Variants in PPP2R2D observed in about 807,000 individuals in gnomAD.
The protein encoded by PPP2R2D is serine/threonine-protein phosphatase 2A 55 kDa regulatory subunit B delta isoform.
In PPP2R2D, 9 loss-of-function variants were observed where a neutral mutation model predicts 31.1. The ratio of observed to expected loss-of-function variants is 0.29; its 90% CI spans 0.17 to 0.51. PPP2R2D has a LOEUF of 0.51. Among genes scored for constraint, PPP2R2D ranks in the 20% least tolerant of loss-of-function variants. The pLI is 0.98. For synonymous variants in PPP2R2D, 179 were observed against 172.6 expected (o/e 1.04, Z -0.29); for missense variants, 391 against 465.6 (o/e 0.84, Z 1.48).
rs1368904283 is a variant in PPP2R2D at position 131,919,033 on chromosome 10, A to G, written c.101-15425A>G. Reference sequence around the variant, plus strand: ...ATGACACAGTGTTTGTAGGGACCTCAGGCGAGCGGGATGACACAGTGTAGG... The same window carrying G: ...ATGACACAGTGTTTGTAGGGACCTCGGGCGAGCGGGATGACACAGTGTAGG... On this transcript the variant is annotated intron_variant, in intron 2 of 8. Coordinates refer to ENST00000455566, the MANE Select transcript of PPP2R2D (RefSeq NM_018461.5). Among the ~76,000 whole-genome samples, 2 of 120,894 alleles carry G rather than the reference A, an allele frequency of 1.7e-5. 1 individual carries two copies. The highest frequency in any genetic ancestry group is 3.4e-5 in the Non-Finnish European group (2 of 58,732). The allele number at this position is 120,894 out of a possible 152,430, so 79.3% of individuals were successfully genotyped here. A position where few individuals can be genotyped will look rare whatever the true frequency, so the allele number is the denominator to read the frequency against.
intron 2 of PPP2R2D, among the ~76,000 whole-genome samples, chr10:131,925,995 G>A (rs1441131279): frequency 6.6e-6 from 1 of 152,166 alleles, no homozygotes; most frequent in African/African-American, 2.4e-5. Flanking sequence ...CTGGGCATGT[G>A]TTAAGGGACG....
At chr10:131,918,686 A>T (rs2035883199) in intron 2 of PPP2R2D, among the ~76,000 whole-genome samples, 1 of 142,702 alleles carries the variant, frequency 7.0e-6, no homozygotes, top group Non-Finnish European at 1.5e-5. Context: ...CAGTGTAGGG[A>T]CCTCACGCGG....
chr10:131,909,297 A>C (rs2035646422), intron 2 of PPP2R2D, among the ~76,000 whole-genome samples: 1 of 152,124 alleles, frequency 6.6e-6, no homozygotes, highest in African/African-American at 2.4e-5. Context: ...CAGGACTCTG[A>C]GTGATTGTGA....
At chr10:131,950,527 G>C (rs561198957) in intron 8 of PPP2R2D, among the ~76,000 whole-genome samples, 1 of 151,856 alleles carries the variant, frequency 6.6e-6, no homozygotes, top group South Asian at 2.1e-4. Flanking sequence ...ACTCTCCACC[G>C]CCAGCTTAGA....
downstream of PPP2R2D, among the ~76,000 whole-genome samples, chr10:131,962,936 G>A (rs1554901684): frequency 6.6e-6 from 1 of 152,184 alleles, no homozygotes; most frequent in African/African-American, 2.4e-5. Flanking sequence ...AAGCTGAGGT[G>A]GGCGGATCAC....
rs917753171 is a variant in PPP2R2D, at chr10:131,956,952, A to G, written c.*989A>G. On this transcript the variant is annotated 3_prime_UTR_variant, in exon 9 of 9. Transcript: ENST00000455566. ...TAAAATTACATGCATGCTAAATTTC[A>G]TCCTGCATTTCAAGCCAGCAAAATT... is the stretch of plus-strand genomic sequence containing the variant. 6 of 152,386 alleles carry G rather than the reference A, an allele frequency of 3.9e-5. No individual in the cohort carries two copies. The highest frequency in any genetic ancestry group is 6.5e-5 in the Admixed American group (1 of 15,302). 9.4% of individuals were successfully genotyped at this position (152,386 alleles called of 1,614,324 possible). A position where few individuals can be genotyped will look rare whatever the true frequency, so the allele number is the denominator to read the frequency against.
intron 2 of PPP2R2D, among the ~76,000 whole-genome samples, chr10:131,905,158 T>C (rs1445993445): frequency 6.6e-6 from 1 of 152,152 alleles, no homozygotes; most frequent in Non-Finnish European, 1.5e-5. Context: ...CAGCAGTCAG[T>C]GGTGACTTGC....
downstream of PPP2R2D, among the ~76,000 whole-genome samples, chr10:131,963,923 C>T (rs9419223): frequency 0.015 from 2,306 of 152,244 alleles, 61 homozygotes; most frequent in African/African-American, 0.052. Flanking sequence ...GGCTGTCTCA[C>T]GAGTGTCGGT....
intron 2 of PPP2R2D, among the ~76,000 whole-genome samples, chr10:131,929,030 GTTGT>G (rs1357811227): frequency 6.6e-6 from 1 of 152,242 alleles, no homozygotes; most frequent in African/African-American, 2.4e-5. Context: ...CACGCCTGGA[GTTGT>G]TTGTCTGCCT....
rs1554900728 is a variant in PPP2R2D, at chr10:131,958,495, A to G, written c.*2532A>G. On this transcript the variant is annotated 3_prime_UTR_variant, in exon 9 of 9. Transcript: ENST00000455566. Reference sequence around the variant, plus strand: ...CCTGTGGAGATGAAGGGGTATGCTGATCCCCCGTCCCCCTGTGGAGATGAA... The same window carrying G: ...CCTGTGGAGATGAAGGGGTATGCTGGTCCCCCGTCCCCCTGTGGAGATGAA... The G allele has an allele frequency of 1.7e-5, 3 of 174,886 alleles. No individual in the cohort carries two copies. Among genetic ancestry groups the G allele is most frequent in the South Asian group, 8.1e-5 (1 of 12,340 alleles). The allele number at this position is 174,886 out of a possible 1,614,324, so 10.8% of individuals were successfully genotyped here.
At position 131,932,646 on chromosome 10, in the gene PPP2R2D, C is replaced by CAAAAAAAAAAAAAAAAAAAAAAAAAAAA. The variant is rs368610703; in HGVS notation, c.101-1790_101-1789insAAAAAAAAAAAAAAAAAAAAAAAAAAAA. Among the ~76,000 whole-genome samples the CAAAAAAAAAAAAAAAAAAAAAAAAAAAA allele has an allele frequency of 5.7e-4, 33 of 57,842 alleles. 3 individuals are homozygous for CAAAAAAAAAAAAAAAAAAAAAAAAAAAA. Among genetic ancestry groups the CAAAAAAAAAAAAAAAAAAAAAAAAAAAA allele is most frequent in the South Asian group, 9.1e-4 (1 of 1,100 alleles). 37.9% of individuals were successfully genotyped at this position (57,842 alleles called of 152,430 possible). On this transcript the variant is annotated intron_variant, in intron 2 of 8. Transcript: ENST00000455566. Reference sequence around the variant, plus strand: ...CGCGCCACTGTACTCCAGCCTGTCTCAAAAAAAAAAAAAAAAAAAAAACAC... The same window carrying CAAAAAAAAAAAAAAAAAAAAAAAAAAAA: ...CGCGCCACTGTACTCCAGCCTGTCTCAAAAAAAAAAAAAAAAAAAAAAAAAAAAAAAAAAAAAAAAAAAAAAAAAACAC...
chr10:131,943,452 G>T (rs1217194916), intron 5 of PPP2R2D, among the ~76,000 whole-genome samples: 1 of 152,202 alleles, frequency 6.6e-6, no homozygotes, highest in Non-Finnish European at 1.5e-5. Flanking sequence ...CCAAGAAATG[G>T]AATATCCTCA....
chr10:131,912,653 A>G (rs1415584671), intron 2 of PPP2R2D: 1 of 152,260 alleles, frequency 6.6e-6, no homozygotes, highest in Admixed American at 6.5e-5. Flanking sequence ...AGTATCAGGA[A>G]GATGAAGTTA....
At chr10:131,966,464 T>A in the PPP2R2D span, 4 of 152,244 alleles carry the variant, frequency 2.6e-5, no homozygotes, top group Non-Finnish European at 2.9e-5. Context: ...ATCAAACTTG[T>A]TTCATTTTTA....
chr10:131,962,195 G>C (rs899931681), downstream of PPP2R2D, among the ~76,000 whole-genome samples: 1 of 152,166 alleles, frequency 6.6e-6, no homozygotes, highest in Non-Finnish European at 1.5e-5. Flanking sequence ...ATCGAGCAGC[G>C]GGGCTCGCAG....
Position 131,934,545 on chromosome 10 carries a change from G to A in PPP2R2D, c.188G>A (p.Arg63His), listed in dbSNP as rs782030666. The change falls in exon 3 of 9, where the codon CGT becomes CAT. Residue 63 changes from arginine (R) to histidine (H), a missense_variant. Physicochemically the swap from Arg to His is conservative, Grantham distance 29. Coordinates refer to ENST00000455566, the MANE Select transcript of PPP2R2D (RefSeq NM_018461.5). ...GGCGGCAGAGTTGTTATTTTTCAGC[G>A]TGAACAAGAGGTCAGTAATTTTCAG... ...DKGGRVVIFQ[R>H]EQENKSRPHS... is the part of the protein sequence containing the mutation. 5.9e-5 allele frequency: 46 copies of A among 779,420 alleles called. No individual in the cohort carries two copies. In the Middle Eastern group the frequency reaches 1.3e-3, roughly 23 times the overall value. The allele number at this position is 779,420 out of a possible 1,614,324, so 48.3% of individuals were successfully genotyped here.
At chr10:131,932,539 C>T (rs782765785) in intron 2 of PPP2R2D, among the ~76,000 whole-genome samples, 5 of 150,904 alleles carry the variant, frequency 3.3e-5, no homozygotes, top group Non-Finnish European at 5.9e-5. Context: ...TGGTGGTGCA[C>T]GCCTGTAATC....
chr10:131,937,569 GT>G (rs1554896671), intron 3 of PPP2R2D, among the ~76,000 whole-genome samples: 1 of 152,178 alleles, frequency 6.6e-6, no homozygotes, highest in East Asian at 1.9e-4. Flanking sequence ...TGGGTTTGGG[GT>G]GACTGGGATG....
At chr10:131,939,779 T>C in intron 3 of PPP2R2D, 1 of 266,620 alleles carries the variant, frequency 3.8e-6, no homozygotes. Context: ...ACAGACCTGC[T>C]CCAGAAAATA....
Sources: gnomAD v4.1 joint callset for allele counts (sites outside exome capture counted in the v4.1 genomes callset) on GRCh38, gnomAD v4.1.1 for gene constraint, MANE v1.5 for transcripts, NCBI Gene and HGNC (gene_info 2026-07-23, HGNC 2026-07-21) for gene names.